The following GNAL variants were observed in gnomAD, a reference collection of about 807,000 sequenced individuals.
GNAL encodes the protein G protein subunit alpha L, also known as guanine nucleotide-binding protein G(olf) subunit alpha.
In GNAL, 18 loss-of-function variants were observed where a neutral mutation model predicts 55.1. That is an observed-to-expected ratio of 0.33 (90% CI 0.23 to 0.48). The LOEUF is 0.48. Among genes scored for constraint, GNAL ranks in the 20% least tolerant of loss-of-function variants. The pLI is 0.99. For missense variants in GNAL, 412 were observed against 614.1 expected (o/e 0.67, Z 3.48); for synonymous variants, 253 against 237.0 (o/e 1.07, Z -0.62).
intron 5 of GNAL, among the ~76,000 whole-genome samples, chr18:11,858,902 C>T (rs886141950): frequency 1.3e-5 from 2 of 152,164 alleles, no homozygotes; most frequent in African/African-American, 4.8e-5. Flanking sequence ...CCAGCCTCAT[C>T]ACTGTCAGCA....
chr18:11,876,431 C>CCAGCCTGGGCAGGAGA (rs2036533175), intron 10 of GNAL, among the ~76,000 whole-genome samples, 190 bp from the exon 11 acceptor site: 1 of 151,954 alleles, frequency 6.6e-6, no homozygotes, highest in Non-Finnish European at 1.5e-5. Context: ...CCACTGCACT[C>CCAGCCTGGGCAGGAGA]CAGCCTGGGC....
At chr18:11,695,539 A>T (rs1046644573) in intron 1 of GNAL, among the ~76,000 whole-genome samples, 2 of 152,234 alleles carry the variant, frequency 1.3e-5, no homozygotes, top group Admixed American at 6.5e-5. Context: ...TATTGAGTCC[A>T]TGGAGTTGTA....
intron 1 of GNAL, among the ~76,000 whole-genome samples, chr18:11,744,904 T>C (rs971651768): frequency 5.3e-5 from 8 of 152,094 alleles, no homozygotes; most frequent in Admixed American, 3.9e-4. Flanking sequence ...AGAATTGGGG[T>C]TTCGCCATGT....
intron 11 of GNAL, among the ~76,000 whole-genome samples, chr18:11,877,695 T>C (rs781061768): frequency 5.9e-5 from 9 of 151,784 alleles, no homozygotes; most frequent in Non-Finnish European, 1.5e-5. Context: ...CAGGTAGCAG[T>C]AGGGCTGATC....
At chr18:11,731,755 G>C (rs1195325618) in intron 1 of GNAL, among the ~76,000 whole-genome samples, 1 of 152,110 alleles carries the variant, frequency 6.6e-6, no homozygotes, top group African/African-American at 2.4e-5. Flanking sequence ...CACCGTCCTT[G>C]GGAGCCCACT....
intron 11 of GNAL, 33 bp downstream of exon 11, chr18:11,876,721 C>T: frequency 8.5e-7 from 1 of 1,169,890 alleles, no homozygotes; most frequent in Non-Finnish European, 1.3e-6. Context: ...GTTTTTCTAC[C>T]TCCCTTCTTA....
In GNAL at chr18:11,697,826, T is replaced by C. The variant is rs574463447; in HGVS notation, c.376+7887T>C. On this transcript the variant is annotated intron_variant, in intron 1 of 11. Transcript: ENST00000334049. The stretch of plus-strand genomic sequence containing the variant: ...AGAACAGTGAGCTCCGGTCTAGATG[T>C]GTTGAGACTGAAGGGCCTTGGATGT... 3.3e-5 allele frequency among the ~76,000 whole-genome samples: 5 copies of C among 152,226 alleles called. No homozygotes were observed. The East Asian group carries it at 9.7e-4, about 29-fold the overall frequency.
At chr18:11,798,888 G>A (rs2034452888) in intron 4 of GNAL, among the ~76,000 whole-genome samples, 2 of 152,016 alleles carry the variant, frequency 1.3e-5, no homozygotes, top group Admixed American at 6.6e-5. Context: ...TTGGGAGGCC[G>A]AGGCAGGCAG....
chr18:11,786,225 A>C (rs2034052176), intron 4 of GNAL, among the ~76,000 whole-genome samples: 1 of 152,126 alleles, frequency 6.6e-6, no homozygotes, highest in African/African-American at 2.4e-5. Context: ...CTCACAGGGC[A>C]GTATTACTCA....
intron 4 of GNAL, among the ~76,000 whole-genome samples, chr18:11,782,408 A>G (rs954817688): frequency 7.9e-5 from 12 of 152,246 alleles, no homozygotes; most frequent in African/African-American, 2.9e-4. Context: ...TGAAGAACTC[A>G]AGTGTTAAAA....
intron 11 of GNAL, among the ~76,000 whole-genome samples, chr18:11,878,669 A>C (rs1294437579): frequency 6.6e-6 from 1 of 152,024 alleles, no homozygotes; most frequent in East Asian, 1.9e-4. Flanking sequence ...TCCTGGGCTC[A>C]AGCAACCCTC....
intron 4 of GNAL, among the ~76,000 whole-genome samples, chr18:11,772,460 G>T (rs1451878430): frequency 6.6e-6 from 1 of 152,156 alleles, no homozygotes; most frequent in Non-Finnish European, 1.5e-5. Flanking sequence ...TCCTGTTCCA[G>T]GTGATCATAG....
chr18:11,864,086 C>CTTTTTTTTTT (rs3981355), intron 6 of GNAL, among the ~76,000 whole-genome samples: 14 of 129,054 alleles, frequency 1.1e-4, no homozygotes, highest in African/African-American at 4.2e-4. Context: ...CGTCTGAGTT[C>CTTTTTTTTTT]TTTTTTTTTT....
chr18:11,743,314 C>CAA (rs527239039), intron 1 of GNAL, among the ~76,000 whole-genome samples: 20,004 of 116,162 alleles, frequency 0.17, 1,483 homozygotes, highest in East Asian at 0.32. Context: ...CTCACTAATA[C>CAA]AAAAAAAAAA....
At chr18:11,875,629 G>A (rs1038939960) in intron 10 of GNAL, among the ~76,000 whole-genome samples, 68 of 152,254 alleles carry the variant, frequency 4.5e-4, no homozygotes, top group African/African-American at 1.6e-3. Flanking sequence ...CACTCCCTGT[G>A]CATCTTCTGC....
At position 11,689,535 on chromosome 18, in the gene GNAL, G is replaced by C. The variant is rs2031165465; in HGVS notation, c.-29G>C. The C allele has an allele frequency of 1.7e-6, 2 of 1,145,128 alleles. No homozygotes were observed. Among genetic ancestry groups the C allele is most frequent in the Non-Finnish European group, 2.2e-6 (2 of 905,878 alleles). 70.9% of individuals were successfully genotyped at this position (1,145,128 alleles called of 1,614,324 possible). On this transcript the variant is annotated 5_prime_UTR_variant, in exon 1 of 12. Transcript: ENST00000334049. The stretch of plus-strand genomic sequence containing the variant: ...TCGGCGCCCAGCCTGCCCTAGTCCC[G>C]CGCGCCGCCCCCGCTGTGCCGCGCC...
At position 11,842,446 on chromosome 18, in the gene GNAL, C is replaced by T. The variant is rs140366700; in HGVS notation, c.722+17431C>T. 1.9e-3 allele frequency among the ~76,000 whole-genome samples: 291 copies of T among 152,154 alleles called. 3 individuals carry two copies. The East Asian group carries it at 0.045, about 23-fold the overall frequency. ...TTACTGTGCTCTTCTATTACGATTA[C>T]GTTGTAATATATAATGAAATAATTA... On this transcript the variant is annotated intron_variant, in intron 5 of 11. Transcript: ENST00000334049.
intron 4 of GNAL, among the ~76,000 whole-genome samples, chr18:11,792,854 G>A (rs1428090970): frequency 6.6e-6 from 1 of 152,174 alleles, no homozygotes; most frequent in Admixed American, 6.5e-5. Flanking sequence ...ATATGACAGA[G>A]GACACTACCA....
At chr18:11,778,591 G>C (rs944151704) in intron 4 of GNAL, among the ~76,000 whole-genome samples, 9 of 152,146 alleles carry the variant, frequency 5.9e-5, no homozygotes, top group African/African-American at 2.2e-4. Context: ...GCATCCTCTT[G>C]TATAAATGAA....
Sources: allele counts gnomAD v4.1 joint callset (sites outside exome capture counted in the v4.1 genomes callset), GRCh38; gene constraint gnomAD v4.1.1; transcripts MANE v1.5; gene names NCBI Gene and HGNC (gene_info 2026-07-23, HGNC 2026-07-21).